Variants in CDK1 observed in about 807,000 individuals in gnomAD.
CDK1 encodes the protein cyclin dependent kinase 1.
Under a neutral mutation model 34.6 loss-of-function variants are expected in CDK1, and 5 were observed. The ratio of observed to expected loss-of-function variants is 0.14; its 90% CI spans 0.08 to 0.30. The LOEUF is 0.30. CDK1 is among the 10% of genes least tolerant of loss of function. CDK1 has a pLI of 1.00. For missense variants in CDK1, 157 were observed against 345.7 expected (o/e 0.45, Z 4.33); for synonymous variants, 108 against 114.7 (o/e 0.94, Z 0.37).
At chr10:60,781,705 C>T (rs1467891669) in intron 2 of CDK1, among the ~76,000 whole-genome samples, 2 of 152,162 alleles carry the variant, frequency 1.3e-5, no homozygotes, top group East Asian at 3.9e-4. Context: ...TGAGTTTTGG[C>T]AATGGCTGTT....
chr10:60,790,185 T>C (rs527434632), intron 5 of CDK1, among the ~76,000 whole-genome samples: 9 of 152,300 alleles, frequency 5.9e-5, no homozygotes, highest in African/African-American at 1.9e-4. Context: ...TATTCTGTTA[T>C]TCTGTTCATT....
chr10:60,785,582 A>G (rs2080308937), intron 3 of CDK1, 82 bp from the exon 4 acceptor site: 2 of 825,692 alleles, frequency 2.4e-6, no homozygotes, highest in South Asian at 4.6e-5. Context: ...TAGCAACTGA[A>G]ATTATGGAAG....
chr10:60,791,589 A>G (rs113309454), intron 5 of CDK1, among the ~76,000 whole-genome samples: 6 of 152,178 alleles, frequency 3.9e-5, no homozygotes, highest in African/African-American at 1.4e-4. Flanking sequence ...CCCCAAATCT[A>G]TTATCAATGG....
At chr10:60,782,292 T>G (rs896670644) in intron 2 of CDK1, among the ~76,000 whole-genome samples, 2 of 152,228 alleles carry the variant, frequency 1.3e-5, no homozygotes, top group African/African-American at 4.8e-5. Context: ...ATTTTTTTCA[T>G]TGACATTAAT....
At chr10:60,793,833 G>T (rs764982004) in intron 7 of CDK1, 44 bp from the exon 8 acceptor site, 21 of 1,076,184 alleles carry the variant, frequency 2.0e-5, no homozygotes, top group Non-Finnish European at 2.6e-5. Flanking sequence ...TGTAAAAAAT[G>T]GTTTATTTCC....
chr10:60,784,698 G>A lies in CDK1; in HGVS notation c.38-7G>A, dbSNP rs749208533. 5 of 1,603,046 alleles carry A rather than the reference G, an allele frequency of 3.1e-6. No homozygotes were observed. The African/African-American group carries it at 4.0e-5, about 13-fold the overall frequency. Reference sequence around the variant, plus strand: ...TGTCACACAGCATATTATTTACTTTGTTTCAGGTACCTATGGAGTTGTGTA... The same window carrying A: ...TGTCACACAGCATATTATTTACTTTATTTCAGGTACCTATGGAGTTGTGTA... On this transcript the variant is annotated splice_region_variant and splice_polypyrimidine_tract_variant and intron_variant, in intron 2 of 7. Transcript: ENST00000395284.
In CDK1 at chr10:60,785,677, C is replaced by A; in HGVS notation, c.208C>A (p.Leu70Ile). The A allele has an allele frequency of 6.2e-7, 1 of 1,602,798 alleles. No individual in the cohort carries two copies. The highest frequency in any genetic ancestry group is 8.5e-7 in the Non-Finnish European group (1 of 1,172,842). Reference sequence around the variant, plus strand: ...TTTTTTCCCCAGTCTTCAGGATGTGCTTATGCAGGATTCCAGGTTATATCT... The same window carrying A: ...TTTTTTCCCCAGTCTTCAGGATGTGATTATGCAGGATTCCAGGTTATATCT... Reference protein sequence around the residue: ...HPNIVSLQDVLMQDSRLYLIF... With the variant: ...HPNIVSLQDVIMQDSRLYLIF... Residue 70 changes from leucine (L) to isoleucine (I), a missense_variant, in exon 4 of 8, where the codon CTT becomes ATT. Around this residue, in one of 3 missense-constraint regions of CDK1, gnomAD observed 53 missense variants for 89.2 expected, o/e 0.59. Coordinates refer to ENST00000395284, the MANE Select transcript of CDK1 (RefSeq NM_001786.5).
At chr10:60,780,681 T>G (rs570559475) in intron 2 of CDK1, among the ~76,000 whole-genome samples, 1 of 152,316 alleles carries the variant, frequency 6.6e-6, no homozygotes, top group African/African-American at 2.4e-5. Context: ...TAAGTATAAA[T>G]GACCTGTCAT....
intron 2 of CDK1, among the ~76,000 whole-genome samples, chr10:60,780,411 G>A (rs1457853458): frequency 6.6e-6 from 1 of 152,000 alleles, no homozygotes; most frequent in African/African-American, 2.4e-5. Context: ...ATGACCGTTC[G>A]CCTCACCCCC....
intron 5 of CDK1, among the ~76,000 whole-genome samples, chr10:60,789,713 T>G (rs1322986773): frequency 6.6e-6 from 1 of 152,132 alleles, no homozygotes; most frequent in Non-Finnish European, 1.5e-5. Flanking sequence ...AACATGGGAG[T>G]GCAGATATCT....
At chr10:60,787,731 G>A (rs1444600789) in intron 4 of CDK1, 1 of 159,562 alleles carries the variant, frequency 6.3e-6, no homozygotes, top group African/African-American at 2.4e-5. Flanking sequence ...AAATAGAGTT[G>A]GTAGCGGTAT....
chr10:60,778,770 AG>A (rs2080245692), intron 1 of CDK1, 200 bp downstream of exon 1: 1 of 147,850 alleles, frequency 6.8e-6, no homozygotes, highest in Non-Finnish European at 1.5e-5. Context: ...CTTTAGAGGG[AG>A]GCTATGGGAG....
intron 2 of CDK1, among the ~76,000 whole-genome samples, chr10:60,780,451 C>T (rs1045058719): frequency 6.6e-6 from 1 of 152,118 alleles, no homozygotes; most frequent in Non-Finnish European, 1.5e-5. Context: ...ATACTAAACA[C>T]TTATAGTAGT....
chr10:60,791,433 T>C (rs140165722), intron 5 of CDK1, among the ~76,000 whole-genome samples: 3 of 152,142 alleles, frequency 2.0e-5, no homozygotes, highest in Non-Finnish European at 2.9e-5. Context: ...ATATATAAGA[T>C]CATCTCTGCA....
chr10:60,786,323 T>C, intron 4 of CDK1: 1 of 948,294 alleles, frequency 1.1e-6, no homozygotes, highest in Middle Eastern at 5.5e-4. Flanking sequence ...ACTTTGTATG[T>C]ATATAAAGAT....
chr10:60,780,514 G>A (rs1323929523), intron 2 of CDK1, among the ~76,000 whole-genome samples: 1 of 152,048 alleles, frequency 6.6e-6, no homozygotes, highest in Non-Finnish European at 1.5e-5. Context: ...GAGGGGCAGA[G>A]GTTAGGGCTG....
intron 1 of CDK1, among the ~76,000 whole-genome samples, chr10:60,779,071 G>A (rs1202062527): frequency 6.6e-6 from 1 of 152,206 alleles, no homozygotes; most frequent in African/African-American, 2.4e-5. Context: ...TGGAACTCGT[G>A]GGCCTTCTTG....
intron 7 of CDK1, among the ~76,000 whole-genome samples, chr10:60,793,466 T>G (rs1048927451): frequency 2.0e-5 from 3 of 152,076 alleles, no homozygotes; most frequent in African/African-American, 7.2e-5. Context: ...TTTTGGAACT[T>G]GCTGGAAGCT....
chr10:60,782,901 T>G (rs2080284627), intron 2 of CDK1, among the ~76,000 whole-genome samples: 1 of 152,188 alleles, frequency 6.6e-6, no homozygotes, highest in Non-Finnish European at 1.5e-5. Context: ...ATCTCTAAAA[T>G]TCAACACATT....
Sources: allele counts gnomAD v4.1 joint callset (sites outside exome capture counted in the v4.1 genomes callset), GRCh38; gene constraint gnomAD v4.1.1; regional missense constraint gnomAD v4.1.1; transcripts MANE v1.5; gene names NCBI Gene and HGNC (gene_info 2026-07-23, HGNC 2026-07-21).